Variants in DCLK1 observed in about 807,000 individuals in gnomAD.
The protein encoded by DCLK1 is serine/threonine-protein kinase DCLK1.
In DCLK1, 16 loss-of-function variants were observed where a neutral mutation model predicts 86.2. That is an observed-to-expected ratio of 0.19 (90% CI 0.13 to 0.28). The LOEUF (loss-of-function observed/expected upper bound fraction) is 0.28. Ranked by LOEUF, DCLK1 falls within the 10% of genes least tolerant of loss-of-function variation. The probability of loss-of-function intolerance (pLI) is 1.00; values close to 1 mark genes in which losing one functional copy is unlikely to be tolerated. For synonymous variants in DCLK1, 369 were observed against 370.5 expected (o/e 1.00, Z 0.05); for missense variants, 590 against 940.2 (o/e 0.63, Z 4.87).
chr13:36,056,763 G>A (rs1032558027), intron 3 of DCLK1, among the ~76,000 whole-genome samples: 1 of 150,544 alleles, frequency 6.6e-6, no homozygotes, highest in African/African-American at 2.4e-5. Flanking sequence ...CTCCGTGGTG[G>A]CAGGTACCTG....
At chr13:35,823,355 G>GCACACA (rs34702154) in intron 10 of DCLK1, among the ~76,000 whole-genome samples, 4,793 of 147,814 alleles carry the variant, frequency 0.032, 90 homozygotes, top group South Asian at 0.068. Flanking sequence ...TTATTAGGAT[G>GCACACA]CACACACACA....
chr13:35,972,794 C>T (rs867782935), intron 3 of DCLK1, among the ~76,000 whole-genome samples: 1 of 152,118 alleles, frequency 6.6e-6, no homozygotes. Context: ...TCCCATAGAC[C>T]ATCATGGCTC....
chr13:35,920,063 T>A (rs1410449229), intron 4 of DCLK1, among the ~76,000 whole-genome samples: 1 of 152,156 alleles, frequency 6.6e-6, no homozygotes, highest in Admixed American at 6.5e-5. Flanking sequence ...CTACATTCCA[T>A]GTGTGATCCT....
chr13:35,879,594 A>AC (rs1450100443), intron 4 of DCLK1, among the ~76,000 whole-genome samples: 1 of 152,132 alleles, frequency 6.6e-6, no homozygotes, highest in Non-Finnish European at 1.5e-5. Flanking sequence ...TTGCTTGGTA[A>AC]CCCAAGTTCC....
At chr13:35,904,439 G>C (rs975343113) in intron 4 of DCLK1, among the ~76,000 whole-genome samples, 17 of 152,136 alleles carry the variant, frequency 1.1e-4, no homozygotes, top group African/African-American at 4.1e-4. Context: ...TGATCTGCTC[G>C]CCCCAACCTC....
intron 3 of DCLK1, among the ~76,000 whole-genome samples, chr13:36,008,199 T>C (rs1881087107): frequency 5.9e-5 from 1 of 17,018 alleles, no homozygotes; most frequent in South Asian, 1.7e-3. Flanking sequence ...CACAGAGCTA[T>C]TTTATTATTA....
intron 2 of DCLK1, among the ~76,000 whole-genome samples, chr13:36,121,365 T>G (rs1052136563): frequency 2.6e-5 from 4 of 152,146 alleles, no homozygotes; most frequent in African/African-American, 9.7e-5. Context: ...AAATATTACA[T>G]GAAAAAATCC....
chr13:36,090,818 T>C (rs1884792988), intron 3 of DCLK1, among the ~76,000 whole-genome samples: 1 of 152,128 alleles, frequency 6.6e-6, no homozygotes, highest in Admixed American at 6.5e-5. Flanking sequence ...GAGGATCTCA[T>C]GATCATGAGC....
intron 6 of DCLK1, among the ~76,000 whole-genome samples, chr13:35,852,262 T>C (rs931786694): frequency 1.3e-5 from 2 of 152,196 alleles, no homozygotes; most frequent in Non-Finnish European, 2.9e-5. Context: ...TTTTTAGGGA[T>C]CTTCTAGGCC....
chr13:35,986,510 A>C (rs1339449031), intron 3 of DCLK1, among the ~76,000 whole-genome samples: 1 of 152,078 alleles, frequency 6.6e-6, no homozygotes, highest in African/African-American at 2.4e-5. Context: ...ACATGCTTTT[A>C]ATCAGATCTG....
At chr13:35,850,404 T>C in intron 6 of DCLK1, 1 of 1,036,724 alleles carries the variant, frequency 9.6e-7, no homozygotes, top group Non-Finnish European at 1.2e-6. Flanking sequence ...TGCCACATGG[T>C]TAGTGTGTTC....
Position 35,773,355 on chromosome 13 carries a change from C to G in DCLK1, c.*1180G>C. The G allele has an allele frequency of 6.6e-6, 1 of 152,044 alleles. No homozygotes were observed. The allele number at this position is 152,044 out of a possible 1,614,324, so 9.4% of individuals were successfully genotyped here. On this transcript the variant is annotated 3_prime_UTR_variant, in exon 17 of 17. Transcript: ENST00000360631. The stretch of plus-strand genomic sequence containing the variant: ...CAGGGGTATCATCTAGGTCTTTCAT[C>G]CTGATCTTCCTAGGAGACTATATAG...
intron 3 of DCLK1, among the ~76,000 whole-genome samples, chr13:36,092,881 A>C (rs1884886866): frequency 6.6e-6 from 1 of 152,188 alleles, no homozygotes; most frequent in Non-Finnish European, 1.5e-5. Context: ...CTACCGTCTA[A>C]ATATCCTTTG....
At chr13:35,858,284 T>C (rs1258000048) in intron 5 of DCLK1, among the ~76,000 whole-genome samples, 3 of 152,140 alleles carry the variant, frequency 2.0e-5, no homozygotes, top group African/African-American at 7.2e-5. Flanking sequence ...AACCTGGTAA[T>C]TGATTGGCTG....
intron 3 of DCLK1, among the ~76,000 whole-genome samples, chr13:36,095,955 A>G (rs1472236988): frequency 6.6e-6 from 1 of 152,188 alleles, no homozygotes; most frequent in Non-Finnish European, 1.5e-5. Flanking sequence ...CATATAATAA[A>G]CAAACTAAAT....
At chr13:35,822,068 T>C (rs2087407470) in intron 11 of DCLK1, among the ~76,000 whole-genome samples, 2 of 152,182 alleles carry the variant, frequency 1.3e-5, no homozygotes, top group African/African-American at 4.8e-5. Flanking sequence ...GCTGTAAAGT[T>C]GGGAGACTCC....
intron 16 of DCLK1, among the ~76,000 whole-genome samples, chr13:35,776,399 A>G (rs1405757972): frequency 6.6e-6 from 1 of 152,168 alleles, no homozygotes; most frequent in Non-Finnish European, 1.5e-5. Flanking sequence ...GGCCATAAAA[A>G]ATCTTTCTAT....
chr13:36,027,654 G>A (rs1170345491), intron 3 of DCLK1, among the ~76,000 whole-genome samples: 1 of 152,198 alleles, frequency 6.6e-6, no homozygotes, highest in East Asian at 1.9e-4. Context: ...AAGGTGCCAT[G>A]AATTTCTATA....
At chr13:36,033,501 T>C (rs1015665508) in intron 3 of DCLK1, among the ~76,000 whole-genome samples, 5 of 152,144 alleles carry the variant, frequency 3.3e-5, no homozygotes, top group African/African-American at 1.2e-4. Context: ...TTGGTGTGAC[T>C]CAATATTGGT....
Sources: gnomAD v4.1 joint callset for allele counts (sites outside exome capture counted in the v4.1 genomes callset) on GRCh38, gnomAD v4.1.1 for gene constraint, MANE v1.5 for transcripts, NCBI Gene and HGNC (gene_info 2026-07-23, HGNC 2026-07-21) for gene names.